The following DISP2 variants were observed in gnomAD, a reference collection of about 807,000 sequenced individuals.
DISP2 encodes protein dispatched homolog 2.
DISP2 carries 59 observed loss-of-function variants against 95.5 expected under a neutral mutation model. The observed-to-expected ratio is 0.62, with a 90% CI of 0.50 to 0.77. DISP2 has a LOEUF of 0.77. Among genes scored for constraint, DISP2 ranks in the 30% least tolerant of loss-of-function variants. The pLI is 0.00. For synonymous variants in DISP2, 827 were observed against 815.0 expected (o/e 1.01, Z -0.25); for missense variants, 1,752 against 1,854.6 (o/e 0.94, Z 1.02).
chr15:40,364,724 G>T, intron 4 of DISP2, 114 bp from the exon 5 acceptor site: 2 of 1,392,580 alleles, frequency 1.4e-6, no homozygotes, highest in Non-Finnish European at 1.9e-6. Context: ...CCACAATTCA[G>T]GCAGGCGGGC....
At position 40,377,525 on chromosome 15, in the gene DISP2, T is replaced by A. The variant is rs920785854; in HGVS notation, c.*7207T>A. 2.6e-5 allele frequency: 4 copies of A among 152,154 alleles called. No individual in the cohort carries two copies. Among genetic ancestry groups the A allele is most frequent in the Admixed American group, 2.6e-4 (4 of 15,262 alleles). The allele number at this position is 152,154 out of a possible 1,614,324, so 9.4% of individuals were successfully genotyped here. On this transcript the variant is annotated 3_prime_UTR_variant, in exon 8 of 8. Transcript: ENST00000267889. ...GAAACAAACAAGGAGAACCCCTCGG[T>A]TGCCCAGCTTACCGCTTGAGAGGAT... is the stretch of plus-strand genomic sequence containing the variant.
intron 1 of DISP2, among the ~76,000 whole-genome samples, chr15:40,362,277 C>T (rs575959273): frequency 2.3e-4 from 35 of 152,292 alleles, no homozygotes; most frequent in African/African-American, 8.2e-4. Context: ...CCCTGACCAC[C>T]CCACCCCCTG....
rs754987531 is a variant in DISP2 at position 40,369,886 on chromosome 15, G to A, written c.3774G>A (p.Glu1258=). The A allele has an allele frequency of 6.4e-7, 1 of 1,563,332 alleles. No homozygotes were observed. The highest frequency in any genetic ancestry group is 1.8e-5 in the Admixed American group (1 of 54,290). ...ARQDSQGEEA[E]PLPASPEAPA... is the part of the protein sequence containing the mutation. ...AGGACTCCCAAGGGGAGGAGGCTGA[G>A]CCCCTGCCAGCCTCACCAGAAGCCC... The change falls in exon 8 of 8, where the codon GAG becomes GAA. Residue 1258 remains glutamate, a synonymous_variant. Transcript: ENST00000267889.
chr15:40,369,707 C>T lies in DISP2; in HGVS notation c.3595C>T (p.His1199Tyr), dbSNP rs781524833. Residue 1199 changes from histidine (H) to tyrosine (Y), a missense_variant, in exon 8 of 8, where the codon CAT becomes TAT. His to Tyr is a moderately conservative substitution (Grantham distance 83). Around this residue, in one of 5 missense-constraint regions of DISP2, gnomAD observed 347 missense variants for 344.2 expected, o/e 1.01. Coordinates refer to ENST00000267889, the MANE Select transcript of DISP2 (RefSeq NM_033510.3). ...AGTACTCTCTGAGGATCTGCAGCTC[C>T]ATGATGGTCCGTGCTGTTCCCGGCC... ...PSVLSEDLQLHDGPCCSRPPP... is the reference protein window; with the variant it reads ...PSVLSEDLQLYDGPCCSRPPP... The T allele has an allele frequency of 5.0e-6, 8 of 1,611,644 alleles. No individual in the cohort carries two copies. Among genetic ancestry groups the T allele is most frequent in the Non-Finnish European group, 6.8e-6 (8 of 1,180,000 alleles).
In DISP2 at chr15:40,376,506, G is replaced by C. The variant is rs186916927; in HGVS notation, c.*6188G>C. On this transcript the variant is annotated 3_prime_UTR_variant, in exon 8 of 8. Transcript: ENST00000267889. Reference sequence around the variant, plus strand: ...GTGGTGGAGCATGCCTGTAGTCCCAGCTACTCAGGAGGCTGAGGAAGGACA... The same window carrying C: ...GTGGTGGAGCATGCCTGTAGTCCCACCTACTCAGGAGGCTGAGGAAGGACA... 4 of 152,318 alleles carry C rather than the reference G, an allele frequency of 2.6e-5. No individual in the cohort carries two copies. The East Asian group carries it at 7.7e-4, about 29-fold the overall frequency. 9.4% of individuals were successfully genotyped at this position (152,318 alleles called of 1,614,324 possible).
chr15:40,370,247 A>G lies in DISP2; in HGVS notation c.4135A>G (p.Asn1379Asp). 1 of 1,582,068 alleles carries G rather than the reference A, an allele frequency of 6.3e-7. No individual in the cohort carries two copies. Residue 1379 changes from asparagine to aspartate, a missense_variant, in exon 8 of 8, where the codon AAT becomes GAT. Around this residue, in one of 5 missense-constraint regions of DISP2, gnomAD observed 347 missense variants for 344.2 expected, o/e 1.01. Transcript: ENST00000267889. Reference protein sequence around the residue: ...PGDGSPVVLPNSQPDLPDVWL... With the variant: ...PGDGSPVVLPDSQPDLPDVWL... ...GGATGGCAGCCCTGTGGTGCTGCCC[A>G]ATAGCCAGCCAGACCTGCCAGATGT...
rs749758362 is a variant in DISP2, at chr15:40,370,336, T to C, written c.*18T>C. 2 of 1,518,054 alleles carry C rather than the reference T, an allele frequency of 1.3e-6. No individual in the cohort carries two copies. The highest frequency in any genetic ancestry group is 1.8e-6 in the Non-Finnish European group (2 of 1,134,168). The allele number at this position is 1,518,054 out of a possible 1,614,324, so 94.0% of individuals were successfully genotyped here. On this transcript the variant is annotated 3_prime_UTR_variant, in exon 8 of 8. Transcript: ENST00000267889. The stretch of plus-strand genomic sequence containing the variant: ...GCAGCTGAGGGGGACCCGGGGAGGC[T>C]GGACAGGGCGCGGAACCCTGTCATG...
chr15:40,367,957 T>C lies in DISP2; in HGVS notation c.1845T>C (p.Val615=). The C allele has an allele frequency of 6.3e-7, 1 of 1,575,446 alleles. No individual in the cohort carries two copies. Among genetic ancestry groups the C allele is most frequent in the Non-Finnish European group, 8.6e-7 (1 of 1,168,704 alleles). The change falls in exon 8 of 8, where the codon GTT becomes GTC. Residue 615 remains valine (V), a synonymous_variant. Transcript: ENST00000267889. ...YASYLSRLPA[V]RCLALFMGTA... The stretch of plus-strand genomic sequence containing the variant: ...GCTACCTGAGCCGCCTGCCGGCCGT[T>C]CGCTGCCTCGCCCTCTTCATGGGCA...
rs1401413878 is a variant in DISP2, at chr15:40,358,248, G to A, written c.-74G>A. On this transcript the variant is annotated 5_prime_UTR_variant, in exon 1 of 8. Coordinates refer to ENST00000267889, the MANE Select transcript of DISP2 (RefSeq NM_033510.3). ...GCACGAGCACCCCGCCGCCGCTGCC[G>A]CCGCCACCGCCGCCGCCGCCGCCGC... is the stretch of plus-strand genomic sequence containing the variant. 3.2e-5 allele frequency: 33 copies of A among 1,034,630 alleles called. 1 individual carries two copies. The highest frequency in any genetic ancestry group is 3.7e-5 in the African/African-American group (2 of 53,466). The allele number at this position is 1,034,630 out of a possible 1,614,324, so 64.1% of individuals were successfully genotyped here.
In DISP2 at chr15:40,376,341, C is replaced by G. The variant is rs58420616; in HGVS notation, c.*6023C>G. On this transcript the variant is annotated 3_prime_UTR_variant, in exon 8 of 8. Transcript: ENST00000267889. ...TTTTAAAAATTAGCTGGGCATGGGC[C>G]GGGCGCGGTGGCTCACGCCTGTAAT... The G allele has an allele frequency of 3.3e-5, 5 of 151,798 alleles. No individual in the cohort carries two copies. In the South Asian group the frequency reaches 1.0e-3, roughly 32 times the overall value. 9.4% of individuals were successfully genotyped at this position (151,798 alleles called of 1,614,324 possible).
rs751927859 is a variant in DISP2, at chr15:40,369,702, A to C, written c.3590A>C (p.Gln1197Pro). Residue 1197 changes from glutamine (Q) to proline (P), a missense_variant, in exon 8 of 8, where the codon CAG becomes CCG. By Grantham distance (76) the Gln-to-Pro change is moderately conservative. Around this residue, in one of 5 missense-constraint regions of DISP2, gnomAD observed 347 missense variants for 344.2 expected, o/e 1.01. Coordinates refer to ENST00000267889, the MANE Select transcript of DISP2 (RefSeq NM_033510.3). ...HRPSVLSEDL[Q>P]LHDGPCCSRP... is the part of the protein sequence containing the mutation. ...CCCTCAGTACTCTCTGAGGATCTGC[A>C]GCTCCATGATGGTCCGTGCTGTTCC... 6.8e-6 allele frequency: 11 copies of C among 1,611,766 alleles called. No homozygotes were observed. In the South Asian group the frequency reaches 1.2e-4, roughly 18 times the overall value.
At position 40,370,003 on chromosome 15, in the gene DISP2, G is replaced by A. The variant is rs1356091506; in HGVS notation, c.3891G>A (p.Glu1297=). The change falls in exon 8 of 8, where the codon GAG becomes GAA. Residue 1297 remains glutamate, a synonymous_variant. Transcript: ENST00000267889. The part of the protein sequence containing the change: ...STLEGLSVSD[E]TCLSTSEPSA... ...TGGAGGGGCTCAGCGTCTCTGATGA[G>A]ACCTGCCTAAGCACCTCTGAGCCCA... 8.7e-6 allele frequency: 14 copies of A among 1,614,034 alleles called. No homozygotes were observed. Among genetic ancestry groups the A allele is most frequent in the Non-Finnish European group, 1.2e-5 (14 of 1,180,014 alleles).
At chr15:40,365,020 T>C in intron 5 of DISP2, 67 bp downstream of exon 5, 3 of 1,600,254 alleles carry the variant, frequency 1.9e-6, no homozygotes, top group Admixed American at 1.7e-5. Context: ...GAAGGGGACA[T>C]TGGGTGACCC....
Position 40,374,584 on chromosome 15 carries a change from C to G in DISP2, c.*4266C>G, listed in dbSNP as rs1181000598. 7.7e-6 allele frequency: 1 copy of G among 130,412 alleles called. No homozygotes were observed. Among genetic ancestry groups the G allele is most frequent in the Non-Finnish European group, 1.6e-5 (1 of 61,836 alleles). The allele number at this position is 130,412 out of a possible 1,614,324, so 8.1% of individuals were successfully genotyped here. ...GAAAGAGGATACATTGGTTTACAAC[C>G]TTTGCCTATCGTCCAGAGAGTTTCT... is the stretch of plus-strand genomic sequence containing the variant. On this transcript the variant is annotated 3_prime_UTR_variant, in exon 8 of 8. Coordinates refer to ENST00000267889, the MANE Select transcript of DISP2 (RefSeq NM_033510.3).
Position 40,365,665 on chromosome 15 carries a change from C to T in DISP2, c.885C>T (p.Ser295=). The T allele has an allele frequency of 1.2e-6, 2 of 1,614,140 alleles. No individual in the cohort carries two copies. Among genetic ancestry groups the T allele is most frequent in the Non-Finnish European group, 1.7e-6 (2 of 1,180,022 alleles). ...CAAAGCTGGTGTTCATGTCCACCTC[C>T]TCGGGCAGCCTATGGAACCTGCATG... is the stretch of plus-strand genomic sequence containing the variant. ...SYAKLVFMST[S]SGSLWNLHAI... is the part of the protein sequence containing the mutation. The change falls in exon 7 of 8, where the codon TCC becomes TCT. Residue 295 remains serine, a synonymous_variant. Coordinates refer to ENST00000267889, the MANE Select transcript of DISP2 (RefSeq NM_033510.3).
At chr15:40,366,946 C>G in intron 7 of DISP2, 112 bp from the exon 8 acceptor site, 1 of 1,396,244 alleles carries the variant, frequency 7.2e-7, no homozygotes, top group Non-Finnish European at 9.6e-7. Flanking sequence ...CAAGATCCCT[C>G]TCTGCGCTTG....
chr15:40,373,475 A>T lies in DISP2; in HGVS notation c.*3157A>T, dbSNP rs893796592. 10 of 152,216 alleles carry T rather than the reference A, an allele frequency of 6.6e-5. No individual in the cohort carries two copies. The highest frequency in any genetic ancestry group is 1.7e-4 in the African/African-American group (7 of 41,432). 9.4% of individuals were successfully genotyped at this position (152,216 alleles called of 1,614,324 possible). A position where few individuals can be genotyped will look rare whatever the true frequency, so the allele number is the denominator to read the frequency against. ...TCCCAGCACTTTGGGAGGCTGAGGC[A>T]GGTGGATCACTAGACGTTAGGAGTT... On this transcript the variant is annotated 3_prime_UTR_variant, in exon 8 of 8. Transcript: ENST00000267889.
At chr15:40,362,767 G>C (rs559702072) in intron 1 of DISP2, among the ~76,000 whole-genome samples, 63 of 152,326 alleles carry the variant, frequency 4.1e-4, no homozygotes, top group Non-Finnish European at 6.9e-4. Context: ...CAGTTATCGG[G>C]GGGGATAGAG....
chr15:40,376,908 T>G lies in DISP2; in HGVS notation c.*6590T>G, dbSNP rs1414080379. ...TGGAAAAATAAAATCAGACTTTTTCTGTTAGAAGGTCAGAATTGGCTCACA... is the reference window on the plus strand; with the variant it reads ...TGGAAAAATAAAATCAGACTTTTTCGGTTAGAAGGTCAGAATTGGCTCACA... On this transcript the variant is annotated 3_prime_UTR_variant, in exon 8 of 8. Coordinates refer to ENST00000267889, the MANE Select transcript of DISP2 (RefSeq NM_033510.3). 6.6e-6 allele frequency: 1 copy of G among 152,274 alleles called. No homozygotes were observed. The highest frequency in any genetic ancestry group is 1.5e-5 in the Non-Finnish European group (1 of 68,048). The allele number at this position is 152,274 out of a possible 1,614,324, so 9.4% of individuals were successfully genotyped here.
Sources: allele counts gnomAD v4.1 joint callset (sites outside exome capture counted in the v4.1 genomes callset), GRCh38; gene constraint gnomAD v4.1.1; regional missense constraint gnomAD v4.1.1; transcripts MANE v1.5; gene names NCBI Gene and HGNC (gene_info 2026-07-23, HGNC 2026-07-21).